The following SPTLC2 variants were observed in gnomAD, a reference collection of about 807,000 sequenced individuals.
The protein encoded by SPTLC2 is serine palmitoyltransferase 2.
A neutral mutation model predicts 62.0 loss-of-function variants in SPTLC2; 21 were observed. The ratio of observed to expected loss-of-function variants is 0.34; its 90% confidence interval spans 0.24 to 0.49. The LOEUF (loss-of-function observed/expected upper bound fraction) is 0.49. Ranked by LOEUF, SPTLC2 falls within the 20% of genes least tolerant of loss-of-function variation. The pLI is 0.99. For missense variants in SPTLC2, 511 were observed against 713.0 expected (o/e 0.72, Z 3.23); for synonymous variants, 261 against 261.8 (o/e 1.00, Z 0.03).
At chr14:77,589,775 GC>G (rs1359993162) in intron 2 of SPTLC2, among the ~76,000 whole-genome samples, 1 of 145,702 alleles carries the variant, frequency 6.9e-6, no homozygotes, top group Non-Finnish European at 1.5e-5. Flanking sequence ...GGGCGACAGA[GC>G]GAGAGTCCGT....
chr14:77,588,989 C>A (rs1595007909), intron 2 of SPTLC2, among the ~76,000 whole-genome samples: 1 of 81,718 alleles, frequency 1.2e-5, no homozygotes, highest in Admixed American at 1.9e-4. Context: ...AGAGTAAGAC[C>A]TTGTCTCAAA....
intron 9 of SPTLC2, among the ~76,000 whole-genome samples, chr14:77,525,774 C>A (rs534320561): frequency 2.3e-4 from 35 of 151,572 alleles, no homozygotes; most frequent in African/African-American, 8.5e-4. Flanking sequence ...ATTAGCCGGG[C>A]GTGGTGGTGG....
intron 5 of SPTLC2, among the ~76,000 whole-genome samples, chr14:77,567,575 G>A (rs2140031361): frequency 6.6e-6 from 1 of 152,302 alleles, no homozygotes. Flanking sequence ...AATGTCCATA[G>A]GACGTGTAGT....
At chr14:77,593,966 G>A (rs746884846) in intron 2 of SPTLC2, among the ~76,000 whole-genome samples, 3 of 152,154 alleles carry the variant, frequency 2.0e-5, no homozygotes, top group Admixed American at 6.5e-5. Context: ...GAAAATGGCA[G>A]AAGTTGGCTG....
In SPTLC2 at chr14:77,510,876, C is replaced by A. The variant is rs2079329224; in HGVS notation, c.*1408G>T. On this transcript the variant is annotated 3_prime_UTR_variant, in exon 12 of 12. Transcript: ENST00000216484. ...ACAAACTGATCCTGGGTATAATATGCCAAAAGTCCTCTTCACTTAAACTTT... is the reference window on the plus strand; with the variant it reads ...ACAAACTGATCCTGGGTATAATATGACAAAAGTCCTCTTCACTTAAACTTT... 1 of 152,542 alleles carries A rather than the reference C, an allele frequency of 6.6e-6. No homozygotes were observed. Among genetic ancestry groups the A allele is most frequent in the African/African-American group, 2.4e-5 (1 of 41,410 alleles). The allele number at this position is 152,542 out of a possible 1,614,324, so 9.4% of individuals were successfully genotyped here.
chr14:77,613,785 T>TC (rs960209766), intron 1 of SPTLC2, among the ~76,000 whole-genome samples: 25 of 152,172 alleles, frequency 1.6e-4, no homozygotes, highest in African/African-American at 5.1e-4. Flanking sequence ...TGGCAACATT[T>TC]CCCCCCCAGA....
chr14:77,570,296 T>G, intron 5 of SPTLC2, 88 bp downstream of exon 5: 1 of 1,550,650 alleles, frequency 6.4e-7, no homozygotes, highest in Non-Finnish European at 8.8e-7. Flanking sequence ...GCCTAAAGTT[T>G]ATAACAGCTT....
At chr14:77,585,652 G>A (rs1454168268) in intron 2 of SPTLC2, among the ~76,000 whole-genome samples, 11 of 151,702 alleles carry the variant, frequency 7.3e-5, no homozygotes, top group Non-Finnish European at 1.5e-4. Flanking sequence ...TCCAGTGCAG[G>A]GAAAAAAAAC....
rs140349299 is a variant in SPTLC2 at position 77,553,582 on chromosome 14, T to C, written c.1177-1360A>G. Among the ~76,000 whole-genome samples, 991 of 151,800 alleles carry C rather than the reference T, an allele frequency of 6.5e-3. 9 individuals carry two copies. Among genetic ancestry groups the C allele is most frequent in the African/African-American group, 0.022 (913 of 41,422 alleles). Reference sequence around the variant, plus strand: ...CTGTCTCTACTAAAAATACAAAAAATTAGCTGGGCATGGTGGCACGTGCCT... The same window carrying C: ...CTGTCTCTACTAAAAATACAAAAAACTAGCTGGGCATGGTGGCACGTGCCT... On this transcript the variant is annotated intron_variant, in intron 8 of 11. Transcript: ENST00000216484.
chr14:77,544,358 C>G (rs1382413977), intron 9 of SPTLC2, among the ~76,000 whole-genome samples: 2 of 152,158 alleles, frequency 1.3e-5, no homozygotes, highest in Non-Finnish European at 2.9e-5. Flanking sequence ...GCCTCATCCA[C>G]CAAGACTCAG....
intron 9 of SPTLC2, among the ~76,000 whole-genome samples, chr14:77,545,818 G>A (rs1007876026): frequency 2.0e-5 from 3 of 152,174 alleles, no homozygotes; most frequent in African/African-American, 4.8e-5. Flanking sequence ...ACTCTGAAAC[G>A]AGGCACAAAA....
At chr14:77,587,919 G>C (rs2079791447) in intron 2 of SPTLC2, among the ~76,000 whole-genome samples, 3 of 147,144 alleles carry the variant, frequency 2.0e-5, no homozygotes, top group Admixed American at 2.0e-4. Context: ...TTTTATTTGG[G>C]CAACATTTGT....
chr14:77,575,304 T>C (rs2079708602), intron 4 of SPTLC2, among the ~76,000 whole-genome samples: 1 of 152,214 alleles, frequency 6.6e-6, no homozygotes, highest in African/African-American at 2.4e-5. Flanking sequence ...TTTTTTTCCC[T>C]GTCTTCATGT....
chr14:77,540,681 T>C (rs1256209518), intron 9 of SPTLC2, among the ~76,000 whole-genome samples: 1 of 152,018 alleles, frequency 6.6e-6, no homozygotes, highest in Non-Finnish European at 1.5e-5. Context: ...CGCTATGTTG[T>C]CCAGGCTGGT....
At chr14:77,600,892 A>T (rs1317006138) in intron 1 of SPTLC2, among the ~76,000 whole-genome samples, 2 of 152,220 alleles carry the variant, frequency 1.3e-5, no homozygotes, top group Non-Finnish European at 2.9e-5. Flanking sequence ...CATTTTGTCC[A>T]CATGCCTGTG....
chr14:77,596,469 C>A (rs2079848149), intron 2 of SPTLC2, among the ~76,000 whole-genome samples: 1 of 152,150 alleles, frequency 6.6e-6, no homozygotes, highest in Admixed American at 6.6e-5. Flanking sequence ...CACCACTGCA[C>A]TCCAGCCTGG....
rs1003239734 is a variant in SPTLC2, at chr14:77,576,373, T to C, written c.631+394A>G. ...GCTTACGTAATTCTTAAAAGAGCTC[T>C]ATAAGGCAGGAATTATTATTAGCCC... On this transcript the variant is annotated intron_variant, in intron 4 of 11. Coordinates refer to ENST00000216484, the MANE Select transcript of SPTLC2 (RefSeq NM_004863.4). Among the ~76,000 whole-genome samples, 6 of 152,246 alleles carry C rather than the reference T, an allele frequency of 3.9e-5. No homozygotes were observed. The South Asian group carries it at 6.2e-4, about 16-fold the overall frequency.
chr14:77,614,357 CCT>C (rs994324679), intron 1 of SPTLC2, among the ~76,000 whole-genome samples: 10 of 152,168 alleles, frequency 6.6e-5, no homozygotes, highest in African/African-American at 2.4e-4. Context: ...CTCTTGACTT[CCT>C]TTTTCATTTT....
intron 1 of SPTLC2, among the ~76,000 whole-genome samples, chr14:77,606,258 A>C (rs1249332032): frequency 3.9e-5 from 6 of 152,228 alleles, no homozygotes; most frequent in Non-Finnish European, 8.8e-5. Flanking sequence ...TGAACCCAGG[A>C]GGCAAAGGTT....
Sources: gnomAD v4.1 joint callset for allele counts (sites outside exome capture counted in the v4.1 genomes callset) on GRCh38, gnomAD v4.1.1 for gene constraint, MANE v1.5 for transcripts, NCBI Gene and HGNC (gene_info 2026-07-23, HGNC 2026-07-21) for gene names.